PAFAH1B1: variants seen among roughly 807,000 people sequenced by gnomAD.
PAFAH1B1 encodes platelet activating factor acetylhydrolase 1b regulatory subunit 1.
In PAFAH1B1, 2 loss-of-function variants were observed where a neutral mutation model predicts 57.5. The observed-to-expected ratio is 0.03, with a 90% CI of 0.01 to 0.11. The LOEUF (loss-of-function observed/expected upper bound fraction) is 0.11. Among genes scored for constraint, PAFAH1B1 ranks in the 10% least tolerant of loss-of-function variants. The probability of loss-of-function intolerance (pLI) is 1.00; values close to 1 mark genes in which losing one functional copy is unlikely to be tolerated. For synonymous variants in PAFAH1B1, 152 were observed against 169.6 expected, an observed-to-expected ratio of 0.90 and a Z score of 0.81; for missense variants, 257 against 512.0, an observed-to-expected ratio of 0.50 and a Z score of 4.81.
intron 1 of PAFAH1B1, among the ~76,000 whole-genome samples, chr17:2,631,438 C>T (rs1597535677): frequency 6.6e-6 from 1 of 152,284 alleles, no homozygotes; most frequent in East Asian, 1.9e-4. Context: ...AGAATTCCTT[C>T]TCCCTGTGGG....
rs2069167985 is a variant in PAFAH1B1 at position 2,670,578 on chromosome 17, C to T, written c.568+247C>T. 2.0e-5 allele frequency among the ~76,000 whole-genome samples: 3 copies of T among 152,142 alleles called. No homozygotes were observed. The South Asian group carries it at 6.2e-4, about 31-fold the overall frequency. ...TATGAGTATTTCTTGGTAAGAAAAA[C>T]TGCCAGGTCATTTATCTGTATTTGA... On this transcript the variant is annotated intron_variant, in intron 6 of 10. Coordinates refer to ENST00000397195, the MANE Select transcript of PAFAH1B1 (RefSeq NM_000430.4).
chr17:2,679,575 T>G, intron 9 of PAFAH1B1: 1 of 147,834 alleles, frequency 6.8e-6, no homozygotes, highest in Non-Finnish European at 1.5e-5. Context: ...ATTAGATGGA[T>G]GATTGGATGG....
intron 2 of PAFAH1B1, among the ~76,000 whole-genome samples, chr17:2,660,262 C>T (rs564482829): frequency 7.9e-5 from 12 of 151,434 alleles, no homozygotes; most frequent in Non-Finnish European, 1.3e-4. Context: ...CTTTAAGTTC[C>T]GGGATACATG....
At position 2,654,463 on chromosome 17, in the gene PAFAH1B1, C is replaced by T. The variant is rs572172537; in HGVS notation, c.33-10909C>T. 5.3e-5 allele frequency among the ~76,000 whole-genome samples: 8 copies of T among 152,196 alleles called. No individual in the cohort carries two copies. In the East Asian group the frequency reaches 5.8e-4, roughly 11 times the overall value. ...GTGTTGGGATTACAGGCATGAGCCA[C>T]TCCACTCGGTCTGTCTTTTCAACTT... is the stretch of plus-strand genomic sequence containing the variant. On this transcript the variant is annotated intron_variant, in intron 2 of 10. Coordinates refer to ENST00000397195, the MANE Select transcript of PAFAH1B1 (RefSeq NM_000430.4).
At chr17:2,627,280 T>C (rs1011801241) in intron 1 of PAFAH1B1, among the ~76,000 whole-genome samples, 5 of 152,304 alleles carry the variant, frequency 3.3e-5, no homozygotes, top group East Asian at 1.9e-4. Context: ...AGGTGAGAGA[T>C]GAGGATCCAG....
At chr17:2,608,667 A>C (rs750456499) in intron 1 of PAFAH1B1, among the ~76,000 whole-genome samples, 2 of 152,202 alleles carry the variant, frequency 1.3e-5, no homozygotes, top group Non-Finnish European at 2.9e-5. Flanking sequence ...ATGTGGTGGC[A>C]TGTGCCTGTG....
intron 1 of PAFAH1B1, chr17:2,614,042 T>TTTTTTG (rs2068306189): frequency 6.6e-6 from 1 of 152,126 alleles, no homozygotes; most frequent in Non-Finnish European, 1.4e-5. Flanking sequence ...TTTTTTTTTT[T>TTTTTTG]GAGACGTGGG....
intron 9 of PAFAH1B1, among the ~76,000 whole-genome samples, chr17:2,678,583 AGAAAC>A (rs1014691482): frequency 3.3e-5 from 5 of 151,660 alleles, no homozygotes; most frequent in Non-Finnish European, 5.9e-5. Flanking sequence ...AAAAAAGAAA[AGAAAC>A]AAGAAAAACA....
chr17:2,613,449 C>T (rs1229990846), intron 1 of PAFAH1B1: 2 of 241,526 alleles, frequency 8.3e-6, no homozygotes, highest in Non-Finnish European at 1.7e-5. Flanking sequence ...CTCTCTGGGG[C>T]CCGCAGTGTT....
At chr17:2,648,359 G>A (rs911947208) in intron 2 of PAFAH1B1, among the ~76,000 whole-genome samples, 2 of 151,880 alleles carry the variant, frequency 1.3e-5, no homozygotes, top group African/African-American at 4.8e-5. Context: ...AATTTTTCCC[G>A]TGATTACAAG....
intron 5 of PAFAH1B1, among the ~76,000 whole-genome samples, chr17:2,669,199 A>AT (rs989289492): frequency 2.0e-5 from 3 of 152,044 alleles, no homozygotes; most frequent in Non-Finnish European, 4.4e-5. Flanking sequence ...TGAGGACAGA[A>AT]TTTTTTTATA....
chr17:2,652,265 A>T (rs979500593), intron 2 of PAFAH1B1, among the ~76,000 whole-genome samples: 6 of 151,786 alleles, frequency 4.0e-5, no homozygotes, highest in Non-Finnish European at 8.8e-5. Flanking sequence ...AAAAAAAAAA[A>T]TTGGCCGGGC....
chr17:2,624,421 G>A (rs1198659436), intron 1 of PAFAH1B1, among the ~76,000 whole-genome samples: 2 of 152,234 alleles, frequency 1.3e-5, no homozygotes, highest in Middle Eastern at 3.4e-3. Context: ...AGACATACCC[G>A]AAACTGGGAA....
At position 2,680,194 on chromosome 17, in the gene PAFAH1B1, C is replaced by G. The variant is rs1411254406; in HGVS notation, c.1033C>G (p.Leu345Val). 6.2e-7 allele frequency: 1 copy of G among 1,614,082 alleles called. No individual in the cohort carries two copies. Among genetic ancestry groups the G allele is most frequent in the South Asian group, 1.1e-5 (1 of 91,072 alleles). ...VGHDNWVRGV[L>V]FHSGGKFILS... ...TCATGATAACTGGGTACGTGGAGTTCTGTTCCATTCTGGGGGGAAGTTTAT... is the reference window on the plus strand; with the variant it reads ...TCATGATAACTGGGTACGTGGAGTTGTGTTCCATTCTGGGGGGAAGTTTAT... The change falls in exon 10 of 11, where the codon CTG (leucine) becomes GTG (valine). Residue 345 changes from leucine (L) to valine (V), a missense_variant. By Grantham distance (32) the Leu-to-Val change is conservative. Transcript: ENST00000397195.
intron 10 of PAFAH1B1, 103 bp downstream of exon 10, chr17:2,680,423 C>A: frequency 3.0e-6 from 3 of 1,006,158 alleles, no homozygotes; most frequent in Non-Finnish European, 4.8e-6. Context: ...AATGACTGTG[C>A]TTTCAGGGCA....
chr17:2,649,639 C>A (rs2068822266), intron 2 of PAFAH1B1, among the ~76,000 whole-genome samples: 1 of 152,120 alleles, frequency 6.6e-6, no homozygotes, highest in African/African-American at 2.4e-5. Flanking sequence ...TTCCTTGTTT[C>A]TGGATGAAAA....
chr17:2,674,365 T>A, intron 8 of PAFAH1B1, 77 bp downstream of exon 8: 6 of 1,048,492 alleles, frequency 5.7e-6, no homozygotes, highest in Non-Finnish European at 8.9e-6. Flanking sequence ...AATTCCCTGT[T>A]TCAGGGCTGT....
chr17:2,660,050 A>C (rs1446433371), intron 2 of PAFAH1B1, among the ~76,000 whole-genome samples: 2 of 151,972 alleles, frequency 1.3e-5, no homozygotes, highest in Admixed American at 6.6e-5. Context: ...GGATGACTCC[A>C]TGTGTGCTTC....
chr17:2,654,369 T>C (rs112230104), intron 2 of PAFAH1B1, among the ~76,000 whole-genome samples: 6,325 of 151,474 alleles, frequency 0.042, 232 homozygotes, highest in Non-Finnish European at 0.058. Context: ...TTTGTATTTT[T>C]AGTTTCACCA....
Sources: gnomAD v4.1 joint callset for allele counts (sites outside exome capture counted in the v4.1 genomes callset) on GRCh38, gnomAD v4.1.1 for gene constraint, MANE v1.5 for transcripts, NCBI Gene and HGNC (gene_info 2026-07-23, HGNC 2026-07-21) for gene names.